SKAP2: variants seen among roughly 807,000 people sequenced by gnomAD.
The protein encoded by SKAP2 is src kinase-associated phosphoprotein 2.
Under a neutral mutation model 54.9 loss-of-function variants are expected in SKAP2, and 28 were observed. The ratio of observed to expected loss-of-function variants is 0.51; its 90% CI spans 0.38 to 0.70. SKAP2 has a LOEUF of 0.70. SKAP2 is among the 30% of genes least tolerant of loss of function. SKAP2 has a pLI of 0.00. For synonymous variants in SKAP2, 137 were observed against 134.3 expected, an observed-to-expected ratio of 1.02 and a Z score of -0.14; for missense variants, 356 against 424.1, an observed-to-expected ratio of 0.84 and a Z score of 1.41.
At chr7:26,851,078 T>A (rs895239624) in intron 3 of SKAP2, among the ~76,000 whole-genome samples, 1 of 151,996 alleles carries the variant, frequency 6.6e-6, no homozygotes, top group African/African-American at 2.4e-5. Context: ...CTAAGATCTA[T>A]GCAGCCTAGT....
intron 4 of SKAP2, among the ~76,000 whole-genome samples, chr7:26,747,724 C>T (rs1548480): frequency 0.46 from 69,735 of 151,294 alleles, 16,979 homozygotes; most frequent in East Asian, 0.58. Flanking sequence ...ACATCTCTTC[C>T]TTCCTCCTCT....
intron 1 of SKAP2, among the ~76,000 whole-genome samples, chr7:26,864,118 C>T (rs1041507638): frequency 2.7e-5 from 4 of 150,586 alleles, no homozygotes; most frequent in Non-Finnish European, 5.9e-5. Context: ...CGTCCTGATC[C>T]CATTTGTGTA....
chr7:26,769,273 G>T (rs1409090911), intron 4 of SKAP2, among the ~76,000 whole-genome samples: 1 of 152,136 alleles, frequency 6.6e-6, no homozygotes, highest in Non-Finnish European at 1.5e-5. Flanking sequence ...TATGCTTCAT[G>T]AAGTTCTCAT....
downstream of SKAP2, among the ~76,000 whole-genome samples, chr7:26,665,941 T>C (rs752849641): frequency 1.3e-5 from 2 of 152,110 alleles, no homozygotes; most frequent in Non-Finnish European, 2.9e-5. Flanking sequence ...TATATTACTA[T>C]AAATAAGATC....
chr7:26,810,563 C>T (rs1584403358), intron 4 of SKAP2, among the ~76,000 whole-genome samples: 1 of 152,118 alleles, frequency 6.6e-6, no homozygotes, highest in South Asian at 2.1e-4. Flanking sequence ...CAAAGGTTCT[C>T]ACCACAAAAA....
chr7:26,850,644 C>CACGT (rs562969316), intron 3 of SKAP2, among the ~76,000 whole-genome samples: 39 of 151,612 alleles, frequency 2.6e-4, no homozygotes, highest in African/African-American at 9.2e-4. Flanking sequence ...GTTATTCTGT[C>CACGT]ACGTACAATA....
At chr7:26,814,329 T>C (rs150620060) in intron 4 of SKAP2, among the ~76,000 whole-genome samples, 1 of 152,268 alleles carries the variant, frequency 6.6e-6, no homozygotes, top group Non-Finnish European at 1.5e-5. Flanking sequence ...AGTTGGCACA[T>C]GAATCATTTC....
chr7:26,701,732 A>AATAAATAC lies in SKAP2; in HGVS notation c.797-11371_797-11370insGTATTTAT, dbSNP rs1287969626. On this transcript the variant is annotated intron_variant, in intron 9 of 12. Coordinates refer to ENST00000345317, the MANE Select transcript of SKAP2 (RefSeq NM_003930.5). ...AGAACAAGACTTCGTCTCAAAAATA[A>AATAAATAC]ATAAATAAATAAATAAATAAATAAA... is the stretch of plus-strand genomic sequence containing the variant. Among the ~76,000 whole-genome samples, 514 of 109,800 alleles carry AATAAATAC rather than the reference A, an allele frequency of 4.7e-3. 6 individuals carry two copies. The highest frequency in any genetic ancestry group is 0.014 in the African/African-American group (456 of 33,744). The allele number at this position is 109,800 out of a possible 152,430, so 72.0% of individuals were successfully genotyped here.
rs1785127247 is a variant in SKAP2, at chr7:26,854,867, T to C, written c.91A>G (p.Ile31Val). The C allele has an allele frequency of 6.3e-7, 1 of 1,595,638 alleles. No homozygotes were observed. The highest frequency in any genetic ancestry group is 1.1e-5 in the South Asian group (1 of 90,600). ...LADVETFVAD[I>V]LKGENLSKKA... Reference sequence around the variant, plus strand: ...TTGGATAAATTTTCTCCTTTCAGTATATCTGCTACAAATGTTTCAACATCT... The same window carrying C: ...TTGGATAAATTTTCTCCTTTCAGTACATCTGCTACAAATGTTTCAACATCT... The change falls in exon 2 of 13, where the codon ATA becomes GTA. Residue 31 changes from isoleucine (I) to valine (V), a missense_variant. Transcript: ENST00000345317.
intron 3 of SKAP2, among the ~76,000 whole-genome samples, chr7:26,848,687 T>C (rs6461978): frequency 0.022 from 3,314 of 152,278 alleles, 106 homozygotes; most frequent in African/African-American, 0.07. Context: ...TGAAAATAAA[T>C]TAATTTCTAA....
At chr7:26,738,992 T>G in intron 5 of SKAP2, 114 bp from the exon 6 acceptor site, 4 of 696,276 alleles carry the variant, frequency 5.7e-6, no homozygotes, top group South Asian at 1.7e-5. Context: ...AATTTGTATC[T>G]TCTTTTCCAA....
intron 4 of SKAP2, among the ~76,000 whole-genome samples, chr7:26,751,536 A>G (rs1782681410): frequency 6.6e-6 from 1 of 152,122 alleles, no homozygotes; most frequent in African/African-American, 2.4e-5. Context: ...TTTTTATTTA[A>G]ATCAAGAAGT....
chr7:26,664,806 A>C (rs1786078096), downstream of SKAP2, among the ~76,000 whole-genome samples: 1 of 151,848 alleles, frequency 6.6e-6, no homozygotes, highest in Non-Finnish European at 1.5e-5. Context: ...GGTACTTAAG[A>C]GATGGGCTTT....
At chr7:26,703,688 G>A (rs956758389) in intron 9 of SKAP2, among the ~76,000 whole-genome samples, 3 of 152,050 alleles carry the variant, frequency 2.0e-5, no homozygotes, top group African/African-American at 4.8e-5. Flanking sequence ...AGGTAAAGTG[G>A]TCAACACAAA....
intron 4 of SKAP2, among the ~76,000 whole-genome samples, chr7:26,795,948 A>G (rs2127982849): frequency 6.6e-6 from 1 of 152,324 alleles, no homozygotes; most frequent in Admixed American, 6.5e-5. Context: ...TTCAACAAAT[A>G]TATTGGAAAA....
chr7:26,844,142 TAAAA>T lies in SKAP2; in HGVS notation c.200-9_200-6del. On this transcript the variant is annotated splice_region_variant and splice_polypyrimidine_tract_variant and intron_variant, in intron 3 of 12. Coordinates refer to ENST00000345317, the MANE Select transcript of SKAP2 (RefSeq NM_003930.5). ...CTTCCCCATCTTCTGCATCACCTGT[TAAAA>T]AAAAAAAAAATCAGAGAACTGCCTT... is the stretch of plus-strand genomic sequence containing the variant. 2.3e-6 allele frequency: 3 copies of T among 1,281,970 alleles called. No homozygotes were observed. The highest frequency in any genetic ancestry group is 3.3e-6 in the Non-Finnish European group (3 of 918,290). The allele number at this position is 1,281,970 out of a possible 1,614,324, so 79.4% of individuals were successfully genotyped here.
rs189418641 is a variant in SKAP2 at position 26,778,169 on chromosome 7, C to T, written c.308-38205G>A. On this transcript the variant is annotated intron_variant, in intron 4 of 12. Coordinates refer to ENST00000345317, the MANE Select transcript of SKAP2 (RefSeq NM_003930.5). Reference sequence around the variant, plus strand: ...CTAGGAAAATCATTATTGGTATATACGAAAGCACTTATTTTTAAGGGATGG... The same window carrying T: ...CTAGGAAAATCATTATTGGTATATATGAAAGCACTTATTTTTAAGGGATGG... Among the ~76,000 whole-genome samples, 146 of 151,898 alleles carry T rather than the reference C, an allele frequency of 9.6e-4. 1 individual carries two copies. Among genetic ancestry groups the T allele is most frequent in the African/African-American group, 3.4e-3 (141 of 41,456 alleles).
At chr7:26,814,854 T>C (rs762102174) in intron 4 of SKAP2, among the ~76,000 whole-genome samples, 1 of 152,088 alleles carries the variant, frequency 6.6e-6, no homozygotes, top group Non-Finnish European at 1.5e-5. Flanking sequence ...GATTCAAGAG[T>C]TTAAAAAAAT....
At chr7:26,844,883 T>G (rs1784892387) in intron 3 of SKAP2, among the ~76,000 whole-genome samples, 1 of 152,166 alleles carries the variant, frequency 6.6e-6, no homozygotes, top group South Asian at 2.1e-4. Context: ...GTTGGTCGAT[T>G]TTTTGATTGA....
Sources: gnomAD v4.1 joint callset for allele counts (sites outside exome capture counted in the v4.1 genomes callset) on GRCh38, gnomAD v4.1.1 for gene constraint, MANE v1.5 for transcripts, NCBI Gene and HGNC (gene_info 2026-07-23, HGNC 2026-07-21) for gene names.